Variants in KLF17 observed in about 807,000 individuals in gnomAD.
KLF17 encodes the protein Krueppel-like factor 17.
KLF17 carries 31 observed loss-of-function variants against 34.2 expected under a neutral mutation model. The ratio of observed to expected loss-of-function variants is 0.91; its 90% CI spans 0.68 to 1.22. The LOEUF (loss-of-function observed/expected upper bound fraction) is 1.22, where lower values mean the gene tolerates loss of function less well. Among genes scored for constraint, KLF17 ranks in the 50% most tolerant of loss-of-function variants. The pLI, the probability that KLF17 is intolerant of heterozygous loss-of-function variation, is 0.00. For missense variants in KLF17, 478 were observed against 505.2 expected (o/e 0.95, Z 0.52); for synonymous variants, 179 against 186.7 (o/e 0.96, Z 0.34).
the KLF17 span, among the ~76,000 whole-genome samples, chr1:44,090,740 G>C: frequency 6.6e-6 from 1 of 152,082 alleles, no homozygotes; most frequent in African/African-American, 2.4e-5. Context: ...GAAATAGAAT[G>C]CAAGAAAGGA....
intron 1 of KLF17, among the ~76,000 whole-genome samples, chr1:44,125,485 T>C (rs180711605): frequency 2.7e-4 from 41 of 152,298 alleles, no homozygotes; most frequent in African/African-American, 8.7e-4. Flanking sequence ...ACAGTTTTAT[T>C]TTTTATTTTT....
chr1:44,122,056 TCCCAC>T, intron 1 of KLF17: 3 of 768,982 alleles, frequency 3.9e-6, no homozygotes, highest in Admixed American at 2.5e-5. Context: ...CATTTTTTTG[TCCCAC>T]TTTTATGTTT....
At chr1:44,108,511 G>T in the KLF17 span, among the ~76,000 whole-genome samples, 1 of 152,078 alleles carries the variant, frequency 6.6e-6, no homozygotes, top group Non-Finnish European at 1.5e-5. Context: ...AGTTGAATTT[G>T]TGCAGGGTGG....
chr1:44,063,603 T>A, the KLF17 span, among the ~76,000 whole-genome samples: 1 of 152,228 alleles, frequency 6.6e-6, no homozygotes, highest in African/African-American at 2.4e-5. Flanking sequence ...TCTGATTTCT[T>A]TTCTTAAAAT....
chr1:44,129,699 T>C lies in KLF17; in HGVS notation c.428T>C (p.Val143Ala). The C allele has an allele frequency of 6.2e-7, 1 of 1,614,008 alleles. No homozygotes were observed. Among genetic ancestry groups the C allele is most frequent in the South Asian group, 1.1e-5 (1 of 91,078 alleles). ...GTAGGAGAGCCCAATATTCCAAGGG[T>C]AGCCAGGCCCTTCGGTGGGAATCTA... ...MPVGEPNIPR[V>A]ARPFGGNLRM... The change falls in exon 2 of 4, where the codon GTA becomes GCA. Residue 143 changes from valine (V) to alanine (A), a missense_variant. Val to Ala is a moderately conservative substitution (Grantham distance 64, BLOSUM62 0). Transcript: ENST00000372299.
At chr1:44,087,747 TATATATATATATATATATATATACACAC>T in the KLF17 span, among the ~76,000 whole-genome samples, 10 of 76,662 alleles carry the variant, frequency 1.3e-4, no homozygotes, top group African/African-American at 3.4e-4. Context: ...TATATATATA[TATATATATATATATATATATATACACAC>T]ACACACACAC....
At chr1:44,128,271 T>C (rs908875046) in intron 1 of KLF17, among the ~76,000 whole-genome samples, 1 of 152,062 alleles carries the variant, frequency 6.6e-6, no homozygotes, top group African/African-American at 2.4e-5. Context: ...TTTTGAAATT[T>C]CTGAGCTCAA....
At chr1:44,062,991 C>A in the KLF17 span, among the ~76,000 whole-genome samples, 1 of 152,164 alleles carries the variant, frequency 6.6e-6, no homozygotes, top group Admixed American at 6.5e-5. Flanking sequence ...ACCCAATGCG[C>A]ATCAGCAGAA....
the KLF17 span, among the ~76,000 whole-genome samples, chr1:44,082,767 C>T: frequency 6.6e-6 from 1 of 152,156 alleles, no homozygotes; most frequent in Non-Finnish European, 1.5e-5. Context: ...ATCCTTATTA[C>T]CTTGGTAAGG....
At chr1:44,073,971 TC>T in the KLF17 span, among the ~76,000 whole-genome samples, 1 of 152,154 alleles carries the variant, frequency 6.6e-6, no homozygotes, top group Non-Finnish European at 1.5e-5. Flanking sequence ...TGCCACTGTA[TC>T]CCCAACTCTT....
the KLF17 span, among the ~76,000 whole-genome samples, chr1:44,099,878 A>AAAGAAAG: frequency 3.0e-5 from 2 of 66,922 alleles, no homozygotes; most frequent in African/African-American, 9.0e-5. Flanking sequence ...AGAAAGAAAG[A>AAAGAAAG]AAGAAAGAAA....
upstream of KLF17, among the ~76,000 whole-genome samples, chr1:44,118,374 A>G (rs2087903140): frequency 6.6e-6 from 1 of 152,190 alleles, no homozygotes; most frequent in Non-Finnish European, 1.5e-5. Flanking sequence ...CGTACAGACA[A>G]GGGACAGAGG....
chr1:44,093,520 G>C, the KLF17 span, among the ~76,000 whole-genome samples: 1 of 152,026 alleles, frequency 6.6e-6, no homozygotes, highest in East Asian at 1.9e-4. Context: ...TCAGCCTCCC[G>C]AGTAGCTGGA....
At chr1:44,104,242 TG>T in the KLF17 span, 13 of 1,319,262 alleles carry the variant, frequency 9.9e-6, no homozygotes, top group Non-Finnish European at 1.2e-5. Flanking sequence ...TCCTCGTACT[TG>T]TTCTTGAAGT....
intron 1 of KLF17, among the ~76,000 whole-genome samples, chr1:44,126,186 G>A (rs1216909431): frequency 1.3e-5 from 2 of 152,102 alleles, no homozygotes; most frequent in Non-Finnish European, 2.9e-5. Context: ...AGCACACCTG[G>A]CTAATTTTTT....
the KLF17 span, among the ~76,000 whole-genome samples, chr1:44,099,823 AAAGAAG>A: frequency 7.8e-6 from 1 of 127,538 alleles, no homozygotes; most frequent in Non-Finnish European, 1.6e-5. Flanking sequence ...TCAGAAAGAA[AAAGAAG>A]AAAGAAAGAA....
At chr1:44,131,340 C>T (rs2088107401) in intron 3 of KLF17, among the ~76,000 whole-genome samples, 1 of 152,146 alleles carries the variant, frequency 6.6e-6, no homozygotes, top group Non-Finnish European at 1.5e-5. Context: ...CATTAAAATG[C>T]TCTTTATTTC....
chr1:44,067,169 G>A, the KLF17 span, among the ~76,000 whole-genome samples: 1 of 151,304 alleles, frequency 6.6e-6, no homozygotes, highest in Non-Finnish European at 1.5e-5. Flanking sequence ...ACTCAACTGG[G>A]TCAAGAAGTC....
the KLF17 span, chr1:44,103,906 C>A: frequency 4.9e-6 from 4 of 821,454 alleles, no homozygotes; most frequent in Admixed American, 1.7e-5. Flanking sequence ...CCAGCCAGCG[C>A]CTGCAGCTTC....
Sources: allele counts gnomAD v4.1 joint callset (sites outside exome capture counted in the v4.1 genomes callset), GRCh38; gene constraint gnomAD v4.1.1; transcripts MANE v1.5; gene names NCBI Gene and HGNC (gene_info 2026-07-23, HGNC 2026-07-21).